ESR1: variants seen among roughly 807,000 people sequenced by gnomAD.
ESR1 encodes estrogen receptor 1.
A neutral mutation model predicts 52.7 loss-of-function variants in ESR1; 12 were observed. The ratio of observed to expected loss-of-function variants is 0.23; its 90% confidence interval spans 0.15 to 0.37. The LOEUF is 0.37. ESR1 is among the 10% of genes least tolerant of loss of function. ESR1 has a pLI of 1.00. For missense variants in ESR1, 584 were observed against 779.7 expected (o/e 0.75, Z 2.99); for synonymous variants, 305 against 316.8 (o/e 0.96, Z 0.39).
At chr6:151,863,899 C>A (rs1367639020) in intron 2 of ESR1, among the ~76,000 whole-genome samples, 2 of 152,064 alleles carry the variant, frequency 1.3e-5, no homozygotes, top group African/African-American at 4.8e-5. Context: ...ACACCTTATA[C>A]AAAAATTAAT....
chr6:151,898,601 C>CT (rs1275358938), intron 3 of ESR1, among the ~76,000 whole-genome samples: 1 of 151,934 alleles, frequency 6.6e-6, no homozygotes, highest in Admixed American at 6.6e-5. Context: ...GGTGATGACT[C>CT]TTAACGAGCA....
intron 5 of ESR1, among the ~76,000 whole-genome samples, chr6:152,054,497 C>T (rs774384285): frequency 1.3e-5 from 2 of 151,982 alleles, no homozygotes; most frequent in South Asian, 2.1e-4. Context: ...CTTCCAGACT[C>T]GTCTCTCTCC....
Position 151,970,500 on chromosome 6 carries a change from G to A in ESR1, c.1096+25992G>A, listed in dbSNP as rs115290024. Among the ~76,000 whole-genome samples, 1,465 of 152,258 alleles carry A rather than the reference G, an allele frequency of 9.6e-3. 29 individuals carry two copies. Among genetic ancestry groups the A allele is most frequent in the African/African-American group, 0.03 (1,246 of 41,548 alleles). ...GTGATGGGGCAGTCACAGCCCTAGT[G>A]CTTATGGAACTTGGCCCTTTGGGGA... is the stretch of plus-strand genomic sequence containing the variant. On this transcript the variant is annotated intron_variant, in intron 4 of 7. Coordinates refer to ENST00000206249, the MANE Select transcript of ESR1 (RefSeq NM_000125.4).
intron 5 of ESR1, among the ~76,000 whole-genome samples, chr6:152,037,028 G>A (rs892263119): frequency 2.0e-5 from 3 of 152,206 alleles, no homozygotes; most frequent in African/African-American, 7.2e-5. Flanking sequence ...GTTGTTTCCA[G>A]GATAATGTAT....
chr6:151,871,800 C>T (rs1791019766), intron 2 of ESR1, among the ~76,000 whole-genome samples: 1 of 152,172 alleles, frequency 6.6e-6, no homozygotes, highest in Non-Finnish European at 1.5e-5. Flanking sequence ...TTTAACTATT[C>T]TAGGTACGTC....
chr6:151,851,424 A>G (rs1482357508), intron 2 of ESR1, among the ~76,000 whole-genome samples: 1 of 152,128 alleles, frequency 6.6e-6, no homozygotes, highest in African/African-American at 2.4e-5. Flanking sequence ...TCTCAGAGTC[A>G]CTCAATAAAT....
At chr6:151,976,303 C>T (rs1458990844) in intron 4 of ESR1, among the ~76,000 whole-genome samples, 1 of 152,152 alleles carries the variant, frequency 6.6e-6, no homozygotes. Context: ...AGATTCTATT[C>T]TGTTTATGTG....
At chr6:151,854,913 A>G (rs1414776982) in intron 2 of ESR1, among the ~76,000 whole-genome samples, 1 of 152,050 alleles carries the variant, frequency 6.6e-6, no homozygotes, top group Non-Finnish European at 1.5e-5. Context: ...TTTTAAAATG[A>G]TATTTATTTA....
intron 2 of ESR1, among the ~76,000 whole-genome samples, chr6:151,752,672 G>A (rs190786745): frequency 3.7e-4 from 56 of 152,096 alleles, no homozygotes; most frequent in Admixed American, 2.7e-3. Context: ...GAATTAAAAC[G>A]TTATTTTCAA....
intron 2 of ESR1, among the ~76,000 whole-genome samples, chr6:151,796,845 G>C (rs1776758982): frequency 1.3e-5 from 2 of 152,212 alleles, no homozygotes; most frequent in Non-Finnish European, 2.9e-5. Flanking sequence ...TGTTCACATA[G>C]CAGTAGTTTG....
chr6:151,807,396 C>CT (rs1314608932), upstream of ESR1: 1 of 195,960 alleles, frequency 5.1e-6, no homozygotes, highest in Non-Finnish European at 1.1e-5. Flanking sequence ...CTGGATCCGT[C>CT]TTTCGCGTTT....
At chr6:152,119,588 C>T (rs142054092) in intron 6 of ESR1, among the ~76,000 whole-genome samples, 1 of 152,194 alleles carries the variant, frequency 6.6e-6, no homozygotes, top group African/African-American at 2.4e-5. Flanking sequence ...TCTCTTTATG[C>T]CCTTCCTCAC....
intron 2 of ESR1, among the ~76,000 whole-genome samples, chr6:151,788,525 A>G (rs1787233256): frequency 6.6e-6 from 1 of 152,230 alleles, no homozygotes; most frequent in South Asian, 2.1e-4. Flanking sequence ...TAGTTCAATC[A>G]TTGTGAAAAA....
At chr6:151,825,795 G>A (rs1781374544) in intron 1 of ESR1, among the ~76,000 whole-genome samples, 2 of 151,116 alleles carry the variant, frequency 1.3e-5, no homozygotes, top group Admixed American at 6.6e-5. Context: ...GCCTGTAATC[G>A]AGCTCTTCGG....
chr6:152,031,660 CA>C (rs1036582240), intron 5 of ESR1, among the ~76,000 whole-genome samples: 8 of 151,778 alleles, frequency 5.3e-5, no homozygotes, highest in South Asian at 4.2e-4. Flanking sequence ...GCTTACCAAT[CA>C]AAAAAAAGTC....
At chr6:151,908,659 T>G (rs867764529) in intron 3 of ESR1, among the ~76,000 whole-genome samples, 1 of 152,066 alleles carries the variant, frequency 6.6e-6, no homozygotes, top group African/African-American at 2.4e-5. Flanking sequence ...AGTAGAGAAA[T>G]AAGTTAACTT....
At chr6:151,899,989 G>A (rs186415568) in intron 3 of ESR1, among the ~76,000 whole-genome samples, 1 of 152,316 alleles carries the variant, frequency 6.6e-6, no homozygotes, top group Middle Eastern at 3.4e-3. Context: ...CTTCCCAGAC[G>A]GGGTGGCCCC....
At chr6:151,885,275 C>T (rs760599617) in intron 3 of ESR1, among the ~76,000 whole-genome samples, 11 of 152,214 alleles carry the variant, frequency 7.2e-5, no homozygotes, top group East Asian at 3.9e-4. Flanking sequence ...AAAATCTCAA[C>T]GGCAAGTGGA....
intron 5 of ESR1, among the ~76,000 whole-genome samples, chr6:152,039,305 C>G (rs996627385): frequency 6.6e-6 from 1 of 152,084 alleles, no homozygotes; most frequent in East Asian, 1.9e-4. Flanking sequence ...CTTGGTAATA[C>G]TAAGAGACAC....
Sources: gnomAD v4.1 joint callset for allele counts (sites outside exome capture counted in the v4.1 genomes callset) on GRCh38, gnomAD v4.1.1 for gene constraint, MANE v1.5 for transcripts, NCBI Gene and HGNC (gene_info 2026-07-23, HGNC 2026-07-21) for gene names.